The following DOT1L variants were observed in gnomAD, a reference collection of about 807,000 sequenced individuals.
DOT1L encodes the protein histone-lysine N-methyltransferase, H3 lysine-79 specific.
A neutral mutation model predicts 153.3 loss-of-function variants in DOT1L; 33 were observed. The observed-to-expected ratio is 0.22, with a 90% confidence interval of 0.16 to 0.29. The LOEUF is 0.29. Among genes scored for constraint, DOT1L ranks in the 10% least tolerant of loss-of-function variants. The pLI is 1.00. For synonymous variants in DOT1L, 1,135 were observed against 965.1 expected (o/e 1.18, Z -3.26); for missense variants, 1,847 against 2,119.9 (o/e 0.87, Z 2.53).
intron 1 of DOT1L, among the ~76,000 whole-genome samples, chr19:2,180,202 T>C (rs1290074505): frequency 6.6e-6 from 1 of 152,152 alleles, no homozygotes; most frequent in African/African-American, 2.4e-5. Flanking sequence ...ACAGGCCCCG[T>C]GGAGGCTCTA....
At chr19:2,194,253 C>G (rs1475445320) in intron 6 of DOT1L, among the ~76,000 whole-genome samples, 2 of 152,196 alleles carry the variant, frequency 1.3e-5, no homozygotes, top group Non-Finnish European at 2.9e-5. Context: ...TCACTGCAAG[C>G]TCCGCCACCT....
chr19:2,199,173 G>C (rs1022897813), intron 7 of DOT1L, among the ~76,000 whole-genome samples: 1 of 152,266 alleles, frequency 6.6e-6, no homozygotes, highest in Non-Finnish European at 1.5e-5. Context: ...TCTCCTGGAC[G>C]GTGCCAGGTC....
intron 1 of DOT1L, among the ~76,000 whole-genome samples, chr19:2,169,507 T>G (rs2020048239): frequency 6.6e-6 from 1 of 152,034 alleles, no homozygotes; most frequent in African/African-American, 2.4e-5. Context: ...TGAGGAGAGT[T>G]TTTTTTGAGA....
intron 1 of DOT1L, among the ~76,000 whole-genome samples, chr19:2,173,309 A>T (rs893201564): frequency 6.6e-6 from 1 of 152,102 alleles, no homozygotes; most frequent in Non-Finnish European, 1.5e-5. Flanking sequence ...TGCTCAGACG[A>T]GGGCGAGGAG....
intron 7 of DOT1L, among the ~76,000 whole-genome samples, chr19:2,198,085 G>A (rs947919285): frequency 1.3e-5 from 2 of 152,204 alleles, no homozygotes; most frequent in African/African-American, 2.4e-5. Context: ...TATAAACCAC[G>A]GTGTTTGCAG....
chr19:2,165,014 A>G (rs1053462326), intron 1 of DOT1L, among the ~76,000 whole-genome samples: 12 of 152,190 alleles, frequency 7.9e-5, no homozygotes, highest in African/African-American at 2.7e-4. Flanking sequence ...TTGGAAAATG[A>G]CAGGCCGGGT....
chr19:2,227,529 G>C (rs1042324886), intron 27 of DOT1L: 1 of 551,862 alleles, frequency 1.8e-6, no homozygotes, highest in Non-Finnish European at 3.1e-6. Flanking sequence ...CGGGGGGAGC[G>C]GCCTGGCCCT....
At position 2,204,342 on chromosome 19, in the gene DOT1L, G is replaced by A. The variant is rs574304332; in HGVS notation, c.787+1563G>A. On this transcript the variant is annotated intron_variant, in intron 9 of 27. Coordinates refer to ENST00000398665, the MANE Select transcript of DOT1L (RefSeq NM_032482.3). The surrounding 1 kb of genome is among the most constrained non-coding windows in gnomAD (Gnocchi z 5.7). ...CTCTCTGCGTCTGTGTGCCTTGGGAGTTTGTTTGCATATCTGTGTGTGTGT... is the reference window on the plus strand; with the variant it reads ...CTCTCTGCGTCTGTGTGCCTTGGGAATTTGTTTGCATATCTGTGTGTGTGT... 2.0e-5 allele frequency among the ~76,000 whole-genome samples: 3 copies of A among 152,134 alleles called. No individual in the cohort carries two copies. The highest frequency in any genetic ancestry group is 2.9e-5 in the Non-Finnish European group (2 of 67,992).
chr19:2,227,030 C>A lies in DOT1L; in HGVS notation c.4509C>A (p.Ala1503=). 6.3e-7 allele frequency: 1 copy of A among 1,583,544 alleles called. No homozygotes were observed. The highest frequency in any genetic ancestry group is 8.5e-7 in the Non-Finnish European group (1 of 1,171,320). Residue 1503 remains alanine (A), a synonymous_variant, in exon 27 of 28, where the codon GCC becomes GCA. Transcript: ENST00000398665. ...AGTCGCTGTTCAGCTCTGTGCCGGCCGCCGCAGGCCTGGTGCACGTGTCGT... is the reference window on the plus strand; with the variant it reads ...AGTCGCTGTTCAGCTCTGTGCCGGCAGCCGCAGGCCTGGTGCACGTGTCGT... ...VLQSLFSSVP[A]AAGLVHVSSA... is the part of the protein sequence containing the mutation.
Position 2,222,876 on chromosome 19 carries a change from G to A in DOT1L, c.3390+317G>A, listed in dbSNP as rs542819855. The A allele has an allele frequency of 1.5e-5, 6 of 411,382 alleles. No homozygotes were observed. Among genetic ancestry groups the A allele is most frequent in the Non-Finnish European group, 2.6e-5 (6 of 231,680 alleles). The allele number at this position is 411,382 out of a possible 1,614,324, so 25.5% of individuals were successfully genotyped here. ...GGCCACAGAGCGAGACTCCCTCTCG[G>A]GGGGACAAAAAAAAACACAAAAAAA... On this transcript the variant is annotated intron_variant, in intron 24 of 27. Transcript: ENST00000398665. This position sits in a 1 kb window ranked among gnomAD's most constrained non-coding sequence, Gnocchi z 6.5.
chr19:2,221,918 C>T, intron 23 of DOT1L, 58 bp from the exon 24 acceptor site: 1 of 1,494,438 alleles, frequency 6.7e-7, no homozygotes, highest in East Asian at 2.4e-5. Flanking sequence ...GCTCCCACAG[C>T]AAGGCTTTCT....
intron 1 of DOT1L, 116 bp downstream of exon 1, chr19:2,164,381 C>G (rs1599515818): frequency 1.5e-5 from 9 of 597,394 alleles, no homozygotes; most frequent in South Asian, 8.1e-5. Context: ...AACGGAGACC[C>G]TGGACTCCAC....
Position 2,193,862 on chromosome 19 carries a change from A to T in DOT1L, c.588+79A>T. ...GTGACGCCCTGGGTGCCTGCACCCC[A>T]CTGCTGTGGGACTTCCGAGTCTGGG... On this transcript the variant is annotated intron_variant, in intron 6 of 27. Coordinates refer to ENST00000398665, the MANE Select transcript of DOT1L (RefSeq NM_032482.3). The surrounding 1 kb of genome is among the most constrained non-coding windows in gnomAD (Gnocchi z 5.9). The T allele has an allele frequency of 7.1e-7, 1 of 1,412,462 alleles. No individual in the cohort carries two copies. Among genetic ancestry groups the T allele is most frequent in the Non-Finnish European group, 9.8e-7 (1 of 1,020,768 alleles). The allele number at this position is 1,412,462 out of a possible 1,614,324, so 87.5% of individuals were successfully genotyped here.
At chr19:2,221,923 CTT>C in intron 23 of DOT1L, 51 bp from the exon 24 acceptor site, 1 of 1,511,476 alleles carries the variant, frequency 6.6e-7, no homozygotes, top group Non-Finnish European at 8.9e-7. Flanking sequence ...CACAGCAAGG[CTT>C]TCTCTTTGGC....
chr19:2,174,958 A>ATGTGTGTGTG (rs71337121), intron 1 of DOT1L, among the ~76,000 whole-genome samples: 2,019 of 129,994 alleles, frequency 0.016, 36 homozygotes, highest in South Asian at 0.032. Context: ...TTTTAAATAT[A>ATGTGTGTGTG]TGTGTGTGTG....
At chr19:2,180,497 C>A (rs567030147) in intron 1 of DOT1L, among the ~76,000 whole-genome samples, 1 of 152,150 alleles carries the variant, frequency 6.6e-6, no homozygotes, top group Non-Finnish European at 1.5e-5. Flanking sequence ...TAGGACACAG[C>A]GTGCCAGAAT....
rs754227037 is a variant in DOT1L, at chr19:2,216,540, G to A, written c.2183G>A (p.Arg728Gln). 8.1e-6 allele frequency: 13 copies of A among 1,610,992 alleles called. No individual in the cohort carries two copies. The highest frequency in any genetic ancestry group is 4.4e-5 in the South Asian group (4 of 91,076). ...TATGAGCTCTGCGGTGTGCTGAGCC[G>A]GCCTTCGTCGAAGCAGAACACGCCC... is the stretch of plus-strand genomic sequence containing the variant. Reference protein sequence around the residue: ...AGYELCGVLSRPSSKQNTPQY... With the variant: ...AGYELCGVLSQPSSKQNTPQY... Residue 728 changes from arginine to glutamine, a missense_variant, in exon 20 of 28, where the codon CGG (arginine) becomes CAG (glutamine). Coordinates refer to ENST00000398665, the MANE Select transcript of DOT1L (RefSeq NM_032482.3).
Position 2,213,532 on chromosome 19 carries a change from C to T in DOT1L, c.1558-7C>T, listed in dbSNP as rs761512452. The stretch of plus-strand genomic sequence containing the variant: ...GCCCTTAGTCACCTGCCCTGTTTGT[C>T]CTACAGGAGAAGAACGCCCAGCTCC... On this transcript the variant is annotated splice_polypyrimidine_tract_variant and splice_region_variant and intron_variant, in intron 16 of 27. Coordinates refer to ENST00000398665, the MANE Select transcript of DOT1L (RefSeq NM_032482.3). 4 of 1,612,062 alleles carry T rather than the reference C, an allele frequency of 2.5e-6. No homozygotes were observed. Among genetic ancestry groups the T allele is most frequent in the Non-Finnish European group, 3.4e-6 (4 of 1,179,806 alleles).
chr19:2,229,746 G>A (rs1160772678), intron 27 of DOT1L, 39 bp from the exon 28 acceptor site: 1 of 1,612,640 alleles, frequency 6.2e-7, no homozygotes, highest in South Asian at 1.1e-5. Flanking sequence ...AGGCGCGATG[G>A]TAACCTCAGG....
Sources: gnomAD v4.1 joint callset for allele counts (sites outside exome capture counted in the v4.1 genomes callset) on GRCh38, gnomAD v4.1.1 for gene constraint, Gnocchi (gnomAD v3.1) non-coding constraint, MANE v1.5 for transcripts, NCBI Gene and HGNC (gene_info 2026-07-23, HGNC 2026-07-21) for gene names.